The following TTLL7 variants were observed in gnomAD, a reference collection of about 807,000 sequenced individuals.
The protein encoded by TTLL7 is tubulin tyrosine ligase like 7, also known as tubulin polyglutamylase TTLL7.
TTLL7 carries 53 observed loss-of-function variants against 120.2 expected under a neutral mutation model. That is an observed-to-expected ratio of 0.44 (90% CI 0.35 to 0.55). The LOEUF is 0.55. TTLL7 is among the 20% of genes least tolerant of loss of function. TTLL7 has a pLI of 0.00. For synonymous variants in TTLL7, 353 were observed against 351.7 expected (o/e 1.00, Z -0.04); for missense variants, 803 against 1,054.7 (o/e 0.76, Z 3.31).
intron 18 of TTLL7, among the ~76,000 whole-genome samples, chr1:83,898,242 C>T (rs1463577388): frequency 6.6e-6 from 1 of 151,866 alleles, no homozygotes; most frequent in Admixed American, 6.6e-5. Context: ...AAAGAATACC[C>T]CATATGAAGA....
rs201854877 is a variant in TTLL7 at position 83,889,437 on chromosome 1, CAG to C, written c.2369+882_2369+883del. Among the ~76,000 whole-genome samples, 310 of 152,080 alleles carry C rather than the reference CAG, an allele frequency of 2.0e-3. 2 individuals carry two copies. Among genetic ancestry groups the C allele is most frequent in the East Asian group, 0.016 (83 of 5,152 alleles). ...ATCATACTTTATCTGCTAGAGACAT[CAG>C]AGTTTATAGGTTAAGAGCATAAACT... On this transcript the variant is annotated intron_variant, in intron 19 of 20. Coordinates refer to ENST00000260505, the MANE Select transcript of TTLL7 (RefSeq NM_024686.6).
Position 83,942,450 on chromosome 1 carries a change from T to C in TTLL7, c.723+13A>G. ...AATGAATGAAAAGATAAGCTCTGTC[T>C]GGTATCACTTACCAAATTGGACTCA... On this transcript the variant is annotated intron_variant, in intron 7 of 20. Transcript: ENST00000260505. 6.3e-7 allele frequency: 1 copy of C among 1,590,796 alleles called. No homozygotes were observed. The highest frequency in any genetic ancestry group is 1.1e-5 in the South Asian group (1 of 90,574).
intron 1 of TTLL7, among the ~76,000 whole-genome samples, chr1:83,967,462 G>A (rs1650575415): frequency 6.6e-6 from 1 of 152,096 alleles, no homozygotes; most frequent in South Asian, 2.1e-4. Context: ...GACTGGGAAG[G>A]ATTAGCTCAG....
At position 83,907,569 on chromosome 1, in the gene TTLL7, T is replaced by C. The variant is rs1571144350; in HGVS notation, c.1879A>G (p.Ile627Val). Residue 627 changes from isoleucine (I) to valine (V), a missense_variant, in exon 16 of 21, where the codon ATA (isoleucine) becomes GTA (valine). This residue lies in a region of TTLL7 where 388 missense variants were observed against 450.4 expected (regional missense o/e 0.86). Transcript: ENST00000260505. The part of the protein sequence containing the change: ...DTRPFSAQQM[I>V]SVSRPTSASR... ...GCAGAAGTTGGCCGTGACACAGATA[T>C]CATTTGTTGAGCAGAAAATGGGCGG... is the stretch of plus-strand genomic sequence containing the variant. 2.9e-5 allele frequency: 46 copies of C among 1,613,354 alleles called. No individual in the cohort carries two copies. Among genetic ancestry groups the C allele is most frequent in the Non-Finnish European group, 3.9e-5 (46 of 1,179,552 alleles).
At chr1:83,895,649 T>G (rs1221339206) in intron 18 of TTLL7, among the ~76,000 whole-genome samples, 1 of 152,078 alleles carries the variant, frequency 6.6e-6, no homozygotes, top group African/African-American at 2.4e-5. Flanking sequence ...TGAAAACATT[T>G]TGGATCCCCA....
chr1:83,994,197 G>T (rs1015796163), intron 1 of TTLL7, among the ~76,000 whole-genome samples: 7 of 152,164 alleles, frequency 4.6e-5, no homozygotes, highest in African/African-American at 1.7e-4. Context: ...TGATGCTTTT[G>T]TTTTCATTGT....
At chr1:83,958,778 T>C (rs1571311739) in intron 1 of TTLL7, among the ~76,000 whole-genome samples, 1 of 152,336 alleles carries the variant, frequency 6.6e-6, no homozygotes, top group Admixed American at 6.5e-5. Flanking sequence ...TTGGATTTAA[T>C]GTCAGTTCTA....
rs201323601 is a variant in TTLL7, at chr1:83,919,804, T to C, written c.1395A>G (p.Leu465=). 1,484 of 1,612,464 alleles carry C rather than the reference T, an allele frequency of 9.2e-4. 24 individuals are homozygous for C. In the South Asian group the frequency reaches 0.015, roughly 17 times the overall value. The change falls in exon 13 of 21, where the codon TTA becomes TTG. Residue 465 remains leucine (L), a synonymous_variant. Transcript: ENST00000260505. ...CTAACAAATTTTCATACTTTTCAAG[T>C]AATGCTTTATCTTCAGGAGGATAAA... The part of the protein sequence containing the change: ...RRIYPPEDKA[L]LEKYENLLAV...
intron 1 of TTLL7, among the ~76,000 whole-genome samples, chr1:83,952,669 CACT>C (rs754050302): frequency 1.4e-4 from 21 of 152,188 alleles, no homozygotes; most frequent in Non-Finnish European, 1.3e-4. Context: ...TAACAATATT[CACT>C]ACTATTTATT....
rs1652894495 is a variant in TTLL7, at chr1:83,866,068, A to AGG, written c.*3893_*3894insCC. 6.6e-6 allele frequency: 1 copy of AGG among 151,926 alleles called. No homozygotes were observed. The highest frequency in any genetic ancestry group is 1.5e-5 in the Non-Finnish European group (1 of 67,804). The allele number at this position is 151,926 out of a possible 1,614,324, so 9.4% of individuals were successfully genotyped here. On this transcript the variant is annotated 3_prime_UTR_variant, in exon 21 of 21. Transcript: ENST00000260505. ...GTCACAAGAACACAATTAATTGTAC[A>AGG]GTTATACATTTTATTTAACCCCTAT...
chr1:83,877,317 G>A (rs1035403401), intron 20 of TTLL7, among the ~76,000 whole-genome samples: 5 of 151,896 alleles, frequency 3.3e-5, no homozygotes, highest in Non-Finnish European at 7.4e-5. Context: ...ATGTTTAGGA[G>A]TGCAATTGAA....
At position 83,895,054 on chromosome 1, in the gene TTLL7, T is replaced by G. The variant is rs560205384; in HGVS notation, c.2209-4573A>C. ...CTCTTCATCTGATAAACTTCTATGT[T>G]TCACTTCAAATGCCACTTCTAAGGA... On this transcript the variant is annotated intron_variant, in intron 18 of 20. Coordinates refer to ENST00000260505, the MANE Select transcript of TTLL7 (RefSeq NM_024686.6). Among the ~76,000 whole-genome samples, 3 of 152,202 alleles carry G rather than the reference T, an allele frequency of 2.0e-5. No homozygotes were observed. In the East Asian group the frequency reaches 5.8e-4, roughly 30 times the overall value.
chr1:83,885,293 A>G (rs899615043), intron 19 of TTLL7, among the ~76,000 whole-genome samples: 2 of 151,958 alleles, frequency 1.3e-5, no homozygotes, highest in Non-Finnish European at 2.9e-5. Context: ...CTTAACTTGG[A>G]TATATTTATT....
At chr1:83,895,906 A>G (rs1656178705) in intron 18 of TTLL7, among the ~76,000 whole-genome samples, 1 of 151,874 alleles carries the variant, frequency 6.6e-6, no homozygotes, top group South Asian at 2.1e-4. Context: ...TTGCCTAGGC[A>G]CCCCCTCCTT....
At chr1:83,994,620 C>A (rs1653318518) in intron 1 of TTLL7, among the ~76,000 whole-genome samples, 1 of 152,204 alleles carries the variant, frequency 6.6e-6, no homozygotes, top group Non-Finnish European at 1.5e-5. Context: ...GAACTTTATG[C>A]ATCTGACAAT....
chr1:83,975,950 A>G (rs1651429152), intron 1 of TTLL7, among the ~76,000 whole-genome samples: 1 of 151,972 alleles, frequency 6.6e-6, no homozygotes, highest in African/African-American at 2.4e-5. Flanking sequence ...AGAATACATG[A>G]GAATATTACA....
At chr1:83,909,128 C>A (rs1445153444) in intron 15 of TTLL7, among the ~76,000 whole-genome samples, 1 of 151,334 alleles carries the variant, frequency 6.6e-6, no homozygotes, top group Admixed American at 6.6e-5. Context: ...AAGAAAATAC[C>A]CAAGGCATGT....
chr1:83,980,547 C>T (rs1364305718), intron 1 of TTLL7: 1 of 152,184 alleles, frequency 6.6e-6, no homozygotes, highest in East Asian at 1.9e-4. Context: ...GCCAAACCAT[C>T]ATTCAGGAAT....
At chr1:83,894,161 C>T (rs1449416852) in intron 18 of TTLL7, among the ~76,000 whole-genome samples, 1 of 151,998 alleles carries the variant, frequency 6.6e-6, no homozygotes, top group Non-Finnish European at 1.5e-5. Context: ...CTCACTTTTC[C>T]TTTCTACTTT....
Sources: allele counts gnomAD v4.1 joint callset (sites outside exome capture counted in the v4.1 genomes callset), GRCh38; gene constraint gnomAD v4.1.1; regional missense constraint gnomAD v4.1.1; transcripts MANE v1.5; gene names NCBI Gene and HGNC (gene_info 2026-07-23, HGNC 2026-07-21).